FNIP1: variants seen among roughly 807,000 people sequenced by gnomAD.
FNIP1 encodes folliculin interacting protein 1.
In FNIP1, 40 loss-of-function variants were observed where a neutral mutation model predicts 124.5. The observed-to-expected ratio is 0.32, with a 90% CI of 0.25 to 0.42. The LOEUF (loss-of-function observed/expected upper bound fraction) is 0.42, where lower values mean the gene tolerates loss of function less well. FNIP1 is among the 10% of genes least tolerant of loss of function. The pLI is 1.00. For missense variants in FNIP1, 1,176 were observed against 1,403.7 expected (o/e 0.84, Z 2.59); for synonymous variants, 472 against 470.6 (o/e 1.00, Z -0.04).
intron 2 of FNIP1, among the ~76,000 whole-genome samples, chr5:131,742,440 G>A (rs1770543643): frequency 1.3e-5 from 2 of 152,210 alleles, no homozygotes; most frequent in Admixed American, 1.3e-4. Flanking sequence ...TCCAGCCTGG[G>A]CGAGAGAGCG....
chr5:131,752,120 T>G (rs539444045), intron 1 of FNIP1, among the ~76,000 whole-genome samples: 3 of 152,200 alleles, frequency 2.0e-5, no homozygotes. Context: ...CTTGGCTCAC[T>G]GCAAGCTCCG....
chr5:131,780,759 T>C (rs1325950251), intron 1 of FNIP1, among the ~76,000 whole-genome samples: 1 of 152,158 alleles, frequency 6.6e-6, no homozygotes, highest in Non-Finnish European at 1.5e-5. Flanking sequence ...CCATCAACCA[T>C]TCCTCATCTC....
At chr5:131,719,933 C>A (rs1416161589) in intron 3 of FNIP1, among the ~76,000 whole-genome samples, 1 of 152,178 alleles carries the variant, frequency 6.6e-6, no homozygotes, top group African/African-American at 2.4e-5. Flanking sequence ...AGTTTCAATA[C>A]TATGCCTATG....
chr5:131,709,208 T>C lies in FNIP1; in HGVS notation c.771A>G (p.Ala257=), dbSNP rs150420590. 24 of 1,613,730 alleles carry C rather than the reference T, an allele frequency of 1.5e-5. No homozygotes were observed. The highest frequency in any genetic ancestry group is 2.0e-5 in the Non-Finnish European group (24 of 1,179,766). ...ACAAGAACGTGACATTACCAGACCG[T>C]GCTATGCCACTGTCTCTGTCCTCAT... ...ELNEDRDSGI[A]RSASLSSLLI... The change falls in exon 8 of 18, where the codon GCA becomes GCG. Residue 257 remains alanine, a synonymous_variant. Transcript: ENST00000510461.
intron 1 of FNIP1, among the ~76,000 whole-genome samples, chr5:131,786,754 C>T (rs1772232602): frequency 6.6e-6 from 1 of 152,178 alleles, no homozygotes; most frequent in African/African-American, 2.4e-5. Context: ...TTGCTCTCAC[C>T]CGCATTTTCT....
chr5:131,647,049 G>C, intron 17 of FNIP1, 41 bp downstream of exon 17: 1 of 1,541,412 alleles, frequency 6.5e-7, no homozygotes, highest in Non-Finnish European at 9.0e-7. Context: ...CCTGATGACA[G>C]GGCAATGAAA....
At chr5:131,741,300 C>A (rs1205662785) in intron 2 of FNIP1, among the ~76,000 whole-genome samples, 4 of 152,010 alleles carry the variant, frequency 2.6e-5, no homozygotes, top group African/African-American at 9.7e-5. Context: ...TATAACAGAT[C>A]TGAAAAAATG....
At chr5:131,739,113 G>C (rs1212144377) in intron 2 of FNIP1, among the ~76,000 whole-genome samples, 7 of 152,130 alleles carry the variant, frequency 4.6e-5, no homozygotes, top group Non-Finnish European at 1.0e-4. Flanking sequence ...ACTGCACCCA[G>C]CCTAGAGATA....
chr5:131,749,392 CTTTT>C (rs1330566507), intron 1 of FNIP1, among the ~76,000 whole-genome samples: 2 of 133,082 alleles, frequency 1.5e-5, no homozygotes, highest in Non-Finnish European at 1.6e-5. Flanking sequence ...CACTTTTTAT[CTTTT>C]TTTTTTTTTT....
intron 1 of FNIP1, among the ~76,000 whole-genome samples, chr5:131,762,942 C>T (rs1771280653): frequency 6.6e-6 from 1 of 152,174 alleles, no homozygotes; most frequent in Non-Finnish European, 1.5e-5. Context: ...TCCATCTTCT[C>T]ACTTAATTGT....
At chr5:131,689,760 T>C (rs929630038) in intron 11 of FNIP1, among the ~76,000 whole-genome samples, 2 of 151,896 alleles carry the variant, frequency 1.3e-5, no homozygotes, top group Non-Finnish European at 2.9e-5. Flanking sequence ...AAACATAAAG[T>C]GAAATAAATA....
In FNIP1 at chr5:131,672,939, A is replaced by G. The variant is rs939199198; in HGVS notation, c.1520-15T>C. 2.0e-6 allele frequency: 3 copies of G among 1,511,680 alleles called. No individual in the cohort carries two copies. Among genetic ancestry groups the G allele is most frequent in the Non-Finnish European group, 2.7e-6 (3 of 1,130,578 alleles). The allele number at this position is 1,511,680 out of a possible 1,614,324, so 93.6% of individuals were successfully genotyped here. A position where few individuals can be genotyped will look rare whatever the true frequency, so the allele number is the denominator to read the frequency against. On this transcript the variant is annotated splice_polypyrimidine_tract_variant and intron_variant, in intron 13 of 17. Coordinates refer to ENST00000510461, the MANE Select transcript of FNIP1 (RefSeq NM_133372.3). ...ATACAAGTCTCCTGTAATGGAAAAA[A>G]TCAGTTATTGGACATGTCCTTTACT...
chr5:131,651,777 T>C (rs753435653), intron 16 of FNIP1, 25 bp downstream of exon 16: 141 of 1,608,140 alleles, frequency 8.8e-5, no homozygotes, highest in Non-Finnish European at 1.1e-4. Flanking sequence ...CTTAAAGTAA[T>C]GCAAGCAGTG....
In FNIP1 at chr5:131,644,513, G is replaced by T. The variant is rs1766810899; in HGVS notation, c.*172C>A. ...CACCACCCAAAAGTCCAGTCAAAAA[G>T]AAAAAGCCATCTGACATACACAGAA... On this transcript the variant is annotated 3_prime_UTR_variant, in exon 18 of 18. Transcript: ENST00000510461. The T allele has an allele frequency of 4.6e-6, 2 of 432,332 alleles. No individual in the cohort carries two copies. Among genetic ancestry groups the T allele is most frequent in the Non-Finnish European group, 8.1e-6 (2 of 247,084 alleles). The allele number at this position is 432,332 out of a possible 1,614,324, so 26.8% of individuals were successfully genotyped here. A position where few individuals can be genotyped will look rare whatever the true frequency, so the allele number is the denominator to read the frequency against.
intron 15 of FNIP1, among the ~76,000 whole-genome samples, chr5:131,656,903 C>T (rs1197128957): frequency 6.6e-6 from 1 of 151,924 alleles, no homozygotes; most frequent in East Asian, 1.9e-4. Context: ...TAAAGAGCTG[C>T]TAACCTCTGG....
Position 131,672,866 on chromosome 5 carries a change from G to T in FNIP1, c.1578C>A (p.Gly526=). 6.2e-7 allele frequency: 1 copy of T among 1,604,094 alleles called. No homozygotes were observed. Among genetic ancestry groups the T allele is most frequent in the South Asian group, 1.1e-5 (1 of 89,370 alleles). The change falls in exon 14 of 18, where the codon GGC becomes GGA. Residue 526 remains glycine (G), a synonymous_variant. Coordinates refer to ENST00000510461, the MANE Select transcript of FNIP1 (RefSeq NM_133372.3). ...PVRLARTVVV[G]KRQDMVQRLL... ...GCCTCTGGACCATGTCTTGTCGTTT[G>T]CCAACTACCACAGTCCTTGCTAACC...
chr5:131,686,574 C>T (rs1768278710), intron 11 of FNIP1, among the ~76,000 whole-genome samples: 1 of 152,146 alleles, frequency 6.6e-6, no homozygotes, highest in African/African-American at 2.4e-5. Flanking sequence ...TGTGGGTACA[C>T]TGTAAGTGTA....
chr5:131,725,678 T>C (rs1384208858), intron 3 of FNIP1, among the ~76,000 whole-genome samples: 1 of 152,212 alleles, frequency 6.6e-6, no homozygotes, highest in Non-Finnish European at 1.5e-5. Context: ...CCTATTTGAA[T>C]ACCCTTTATT....
intron 16 of FNIP1, among the ~76,000 whole-genome samples, chr5:131,647,985 A>C (rs755224072): frequency 3.3e-5 from 5 of 151,972 alleles, no homozygotes; most frequent in Non-Finnish European, 7.4e-5. Flanking sequence ...AGTTTGCAAA[A>C]GTTCACAAAG....
Sources: gnomAD v4.1 joint callset for allele counts (sites outside exome capture counted in the v4.1 genomes callset) on GRCh38, gnomAD v4.1.1 for gene constraint, MANE v1.5 for transcripts, NCBI Gene and HGNC (gene_info 2026-07-23, HGNC 2026-07-21) for gene names.